Variants in COL10A1 observed in about 807,000 individuals in gnomAD.
The protein encoded by COL10A1 is collagen type X alpha 1 chain.
COL10A1 carries 10 observed loss-of-function variants against 18.2 expected under a neutral mutation model. The ratio of observed to expected loss-of-function variants is 0.55; its 90% CI spans 0.34 to 0.93. COL10A1 has a LOEUF of 0.93. Among genes scored for constraint, COL10A1 ranks in the 40% least tolerant of loss-of-function variants. COL10A1 has a pLI of 0.02. For synonymous variants in COL10A1, 330 were observed against 316.6 expected (o/e 1.04, Z -0.45); for missense variants, 897 against 853.5 (o/e 1.05, Z -0.64).
chr6:116,125,048 A>C (rs1422081542), intron 2 of COL10A1, among the ~76,000 whole-genome samples: 1 of 152,208 alleles, frequency 6.6e-6, no homozygotes, highest in Non-Finnish European at 1.5e-5. Context: ...TCTGGATTAC[A>C]TGCAGTTATT....
the COL10A1 span, among the ~76,000 whole-genome samples, chr6:116,196,329 TGCATTGCTCTAACTACAGCA>T: frequency 6.6e-6 from 1 of 152,204 alleles, no homozygotes; most frequent in African/African-American, 2.4e-5. Flanking sequence ...TTTGAATTTT[TGCATTGCTCTAACTACAGCA>T]ACAAAATATA....
chr6:116,202,302 A>G, the COL10A1 span, among the ~76,000 whole-genome samples: 1 of 151,950 alleles, frequency 6.6e-6, no homozygotes, highest in Non-Finnish European at 1.5e-5. Flanking sequence ...CATGGTTGGA[A>G]TACATAGATC....
intron 1 of COL10A1, among the ~76,000 whole-genome samples, chr6:116,151,848 A>G (rs1018085744): frequency 1.3e-5 from 2 of 152,358 alleles, no homozygotes; most frequent in Admixed American, 6.5e-5. Context: ...TTGAGATATT[A>G]ATAAACTGAT....
At chr6:116,216,561 G>A in the COL10A1 span, among the ~76,000 whole-genome samples, 1 of 151,784 alleles carries the variant, frequency 6.6e-6, no homozygotes, top group African/African-American at 2.4e-5. Flanking sequence ...TCATTTCCCA[G>A]CTTTTATTTG....
chr6:116,135,829 T>A (rs1779576434), intron 1 of COL10A1, among the ~76,000 whole-genome samples: 1 of 108,456 alleles, frequency 9.2e-6, no homozygotes, highest in African/African-American at 3.4e-5. Context: ...TACAATATAT[T>A]TTCAGATATA....
chr6:116,175,705 G>T, the COL10A1 span, among the ~76,000 whole-genome samples: 2 of 152,118 alleles, frequency 1.3e-5, no homozygotes, highest in African/African-American at 4.8e-5. Flanking sequence ...AGAAGCTGAT[G>T]AACACACCAA....
chr6:116,150,393 T>C (rs1176160128), intron 1 of COL10A1, among the ~76,000 whole-genome samples: 1 of 152,146 alleles, frequency 6.6e-6, no homozygotes, highest in Non-Finnish European at 1.5e-5. Flanking sequence ...CAAGCAATTC[T>C]CCTGCCTCAA....
the COL10A1 span, among the ~76,000 whole-genome samples, chr6:116,166,506 G>T: frequency 3.4e-4 from 52 of 152,198 alleles, 1 homozygote; most frequent in Admixed American, 3.4e-3. Context: ...TATTTGACTA[G>T]TAATTGTGAT....
the COL10A1 span, among the ~76,000 whole-genome samples, chr6:116,191,583 T>A: frequency 6.6e-6 from 1 of 152,058 alleles, no homozygotes. Flanking sequence ...ACATCTTTTC[T>A]CCTCAAGGTA....
At chr6:116,162,119 T>C (rs1484138200), upstream of COL10A1, among the ~76,000 whole-genome samples, 1 of 152,176 alleles carries the variant, frequency 6.6e-6, no homozygotes, top group East Asian at 1.9e-4. Context: ...TTATGGTGTG[T>C]TAATTTTGTA....
intron 1 of COL10A1, among the ~76,000 whole-genome samples, chr6:116,134,110 G>C (rs557068820): frequency 6.6e-6 from 1 of 152,280 alleles, no homozygotes; most frequent in South Asian, 2.1e-4. Flanking sequence ...ACACATAAGT[G>C]GCAAAACAGT....
At chr6:116,206,171 C>T in the COL10A1 span, among the ~76,000 whole-genome samples, 2 of 151,994 alleles carry the variant, frequency 1.3e-5, no homozygotes, top group African/African-American at 2.4e-5. Context: ...ATTTTGGGCC[C>T]ATGCAGGGCA....
chr6:116,206,518 T>A, the COL10A1 span, among the ~76,000 whole-genome samples: 1 of 151,938 alleles, frequency 6.6e-6, no homozygotes, highest in Admixed American at 6.6e-5. Flanking sequence ...TGTAATATAC[T>A]TTTATCTGTG....
chr6:116,148,499 T>C (rs900247426), intron 1 of COL10A1, among the ~76,000 whole-genome samples: 1 of 152,208 alleles, frequency 6.6e-6, no homozygotes, highest in Non-Finnish European at 1.5e-5. Context: ...CTACCCAATC[T>C]TGCAGTGCCT....
chr6:116,196,582 TTATA>T, the COL10A1 span, among the ~76,000 whole-genome samples: 2 of 152,052 alleles, frequency 1.3e-5, no homozygotes, highest in Non-Finnish European at 2.9e-5. Context: ...TTTTATCAAA[TTATA>T]TATAGTATAT....
chr6:116,174,516 A>G, the COL10A1 span, among the ~76,000 whole-genome samples: 1 of 152,254 alleles, frequency 6.6e-6, no homozygotes, highest in Non-Finnish European at 1.5e-5. Flanking sequence ...TATAAAATTT[A>G]GAGTGCCAAT....
chr6:116,201,270 C>T, the COL10A1 span, among the ~76,000 whole-genome samples: 1 of 151,986 alleles, frequency 6.6e-6, no homozygotes, highest in African/African-American at 2.4e-5. Flanking sequence ...TTGGCTGTAG[C>T]CATTATAACT....
At chr6:116,160,687 C>A (rs1780305694), upstream of COL10A1, among the ~76,000 whole-genome samples, 1 of 152,120 alleles carries the variant, frequency 6.6e-6, no homozygotes, top group African/African-American at 2.4e-5. Flanking sequence ...GTCATAAATT[C>A]TTTGCCTAGG....
intron 1 of COL10A1, among the ~76,000 whole-genome samples, chr6:116,152,939 C>G (rs1780085522): frequency 6.6e-6 from 1 of 152,020 alleles, no homozygotes; most frequent in African/African-American, 2.4e-5. Context: ...TAATCCTCCT[C>G]CATACTGCTG....
Sources: allele counts gnomAD v4.1 joint callset (sites outside exome capture counted in the v4.1 genomes callset), GRCh38; gene constraint gnomAD v4.1.1; transcripts MANE v1.5; gene names NCBI Gene and HGNC (gene_info 2026-07-23, HGNC 2026-07-21).